Variants in FRMPD4 observed in about 807,000 individuals in gnomAD.
FRMPD4 encodes FERM and PDZ domain containing 4.
FRMPD4 carries 22 observed loss-of-function variants against 94.1 expected under a neutral mutation model. The ratio of observed to expected loss-of-function variants is 0.23; its 90% CI spans 0.17 to 0.33. The LOEUF is 0.33. Among genes scored for constraint, FRMPD4 ranks in the 10% least tolerant of loss-of-function variants. The probability of loss-of-function intolerance (pLI) is 1.00; values close to 1 mark genes in which losing one functional copy is unlikely to be tolerated. For missense variants in FRMPD4, 1,111 were observed against 1,339.9 expected (o/e 0.83, Z 2.67); for synonymous variants, 631 against 548.6 (o/e 1.15, Z -2.10).
At chrX:12,081,799 T>G (rs16986676) in intron 3 of FRMPD4, among the ~76,000 whole-genome samples, 6,481 of 111,624 alleles carry the variant, frequency 0.058, 495 homozygotes, top group African/African-American at 0.2. Flanking sequence ...TATTCTCTGC[T>G]CTGTATGAAA....
chrX:11,825,658 A>AC (rs367806260), intron 1 of FRMPD4, among the ~76,000 whole-genome samples: 328 of 110,742 alleles, frequency 3.0e-3, no homozygotes, highest in African/African-American at 9.4e-3. Flanking sequence ...TATATACCGC[A>AC]CCCCCCCACC....
At chrX:11,912,394 A>G (rs1214716431) in intron 3 of FRMPD4, among the ~76,000 whole-genome samples, 1 of 112,700 alleles carries the variant, frequency 8.9e-6, no homozygotes. Flanking sequence ...TGATTGACAC[A>G]ATGAACCGAC....
intron 1 of FRMPD4, among the ~76,000 whole-genome samples, chrX:12,419,684 C>T (rs2056857241): frequency 9.0e-6 from 1 of 111,121 alleles, no homozygotes; most frequent in Admixed American, 9.5e-5. Flanking sequence ...TTCACTGAAC[C>T]TATTTGCTCC....
chrX:12,386,954 A>G (rs1372367126), intron 1 of FRMPD4, among the ~76,000 whole-genome samples: 1 of 112,242 alleles, frequency 8.9e-6, no homozygotes, highest in Non-Finnish European at 1.9e-5. Context: ...TTTGCTGAAC[A>G]GTTAGTAGTT....
intron 1 of FRMPD4, among the ~76,000 whole-genome samples, chrX:12,446,599 G>A (rs899467148): frequency 1.3e-4 from 6 of 45,159 alleles, no homozygotes; most frequent in Non-Finnish European, 1.9e-4. Context: ...TTGTGGTAGT[G>A]AATAAGTCTC....
At chrX:12,550,901 G>A (rs1006597175) in intron 2 of FRMPD4, among the ~76,000 whole-genome samples, 3 of 98,889 alleles carry the variant, frequency 3.0e-5, no homozygotes, top group Non-Finnish European at 6.2e-5. Context: ...CTTTTATATT[G>A]TAAATATATA....
intron 3 of FRMPD4, among the ~76,000 whole-genome samples, chrX:12,030,359 G>C (rs920377139): frequency 8.9e-6 from 1 of 112,335 alleles, no homozygotes; most frequent in African/African-American, 3.2e-5. Context: ...ACTTGCAAAT[G>C]AGACATCCCC....
chrX:11,949,927 A>G (rs755033904), intron 3 of FRMPD4, among the ~76,000 whole-genome samples: 1 of 112,401 alleles, frequency 8.9e-6, no homozygotes, highest in South Asian at 3.7e-4. Context: ...GGTGTTCAAC[A>G]TGCTGCCTTG....
intron 3 of FRMPD4, among the ~76,000 whole-genome samples, chrX:12,005,934 T>C (rs1265081495): frequency 9.0e-6 from 1 of 111,472 alleles, no homozygotes; most frequent in East Asian, 2.8e-4. Context: ...CATTAGTCTC[T>C]CCCAAGATTC....
intron 1 of FRMPD4, among the ~76,000 whole-genome samples, chrX:12,343,041 A>C (rs777901713): frequency 8.9e-6 from 1 of 112,134 alleles, no homozygotes; most frequent in East Asian, 2.8e-4. Flanking sequence ...AGAGTTCAAA[A>C]CCCATGAGTG....
At chrX:12,702,607 C>T (rs1434132659) in intron 10 of FRMPD4, among the ~76,000 whole-genome samples, 3 of 112,371 alleles carry the variant, frequency 2.7e-5, no homozygotes, top group Admixed American at 9.4e-5. Context: ...AGAAACTTCT[C>T]ATGGGCTGCC....
At chrX:12,004,538 TG>T (rs1409897752) in intron 3 of FRMPD4, among the ~76,000 whole-genome samples, 1 of 111,780 alleles carries the variant, frequency 8.9e-6, no homozygotes, top group Admixed American at 9.5e-5. Context: ...TTATATTGTT[TG>T]TTGCCTTGGT....
chrX:12,667,026 T>C (rs1258332467), intron 4 of FRMPD4, among the ~76,000 whole-genome samples: 2 of 112,600 alleles, frequency 1.8e-5, no homozygotes, highest in Non-Finnish European at 3.8e-5. Flanking sequence ...AGTTCAACAC[T>C]ATGAAGTGAG....
chrX:12,513,978 A>G (rs893363599), intron 2 of FRMPD4, among the ~76,000 whole-genome samples: 9 of 111,333 alleles, frequency 8.1e-5, no homozygotes, highest in African/African-American at 2.6e-4. Context: ...TCTTTGTAGC[A>G]ATCGTGAATG....
intron 3 of FRMPD4, among the ~76,000 whole-genome samples, chrX:11,911,997 C>T (rs1467009050): frequency 1.8e-5 from 2 of 111,245 alleles, no homozygotes; most frequent in East Asian, 5.6e-4. Context: ...AATTGACTGG[C>T]TGGTTATCAG....
rs1394726253 is a variant in FRMPD4, at chrX:12,415,119, A to G, written c.42-83561A>G. On this transcript the variant is annotated intron_variant, in intron 1 of 16. Coordinates refer to ENST00000675598, the MANE Select transcript of FRMPD4 (RefSeq NM_001368397.1). ...GCATTTGGGTCCTGGTGTTCCATGT[A>G]AGCCATTCTAGATGACATATGTAAC... 5.4e-5 allele frequency among the ~76,000 whole-genome samples: 6 copies of G among 111,152 alleles called. No individual in the cohort carries two copies. The Admixed American group carries it at 5.8e-4, about 11-fold the overall frequency.
chrX:12,148,427 C>T (rs750639378), intron 1 of FRMPD4, among the ~76,000 whole-genome samples: 3 of 112,306 alleles, frequency 2.7e-5, no homozygotes, highest in South Asian at 7.4e-4. Context: ...TTAAATTCTG[C>T]GAAGGCTGAG....
chrX:11,889,735 T>A (rs1175564079), intron 3 of FRMPD4, among the ~76,000 whole-genome samples: 2 of 112,060 alleles, frequency 1.8e-5, no homozygotes, highest in East Asian at 5.6e-4. Flanking sequence ...TGTAGCTACG[T>A]AAAGCTGGGA....
chrX:12,245,302 T>G (rs1344791588), intron 1 of FRMPD4, among the ~76,000 whole-genome samples: 1 of 110,908 alleles, frequency 9.0e-6, no homozygotes, highest in African/African-American at 3.3e-5. Context: ...GGGAAAACAG[T>G]GGGTTGGGAT....
Sources: gnomAD v4.1 joint callset for allele counts (sites outside exome capture counted in the v4.1 genomes callset) on GRCh38, gnomAD v4.1.1 for gene constraint, MANE v1.5 for transcripts, NCBI Gene and HGNC (gene_info 2026-07-23, HGNC 2026-07-21) for gene names.